The following RBFOX1 variants were observed in gnomAD, a reference collection of about 807,000 sequenced individuals.
RBFOX1 encodes the protein RNA binding fox-1 homolog 1.
A neutral mutation model predicts 57.7 loss-of-function variants in RBFOX1; 8 were observed. That is an observed-to-expected ratio of 0.14 (90% CI 0.08 to 0.25). The LOEUF (loss-of-function observed/expected upper bound fraction) is 0.25. Among genes scored for constraint, RBFOX1 ranks in the 10% least tolerant of loss-of-function variants. The probability of loss-of-function intolerance (pLI) is 1.00; values close to 1 mark genes in which losing one functional copy is unlikely to be tolerated. For missense variants in RBFOX1, 611 were observed against 548.5 expected (o/e 1.11, Z -1.14); for synonymous variants, 326 against 222.4 (o/e 1.47, Z -4.15).
chr16:6,727,936 C>T (rs1018041503), intron 3 of RBFOX1, among the ~76,000 whole-genome samples: 1 of 152,140 alleles, frequency 6.6e-6, no homozygotes, highest in African/African-American at 2.4e-5. Flanking sequence ...AGTTCTACTA[C>T]GTACGCACAG....
rs145905585 is a variant in RBFOX1 at position 6,347,209 on chromosome 16, G to A, written c.-64+30152G>A. On this transcript the variant is annotated intron_variant, in intron 2 of 15. Coordinates refer to ENST00000550418, the MANE Select transcript of RBFOX1 (RefSeq NM_018723.4). ...TTCTGGCCAAGAGTTTCCTGGAATAGTAAAGTGATGTGAAGAAGAGAGTCA... is the reference window on the plus strand; with the variant it reads ...TTCTGGCCAAGAGTTTCCTGGAATAATAAAGTGATGTGAAGAAGAGAGTCA... Among the ~76,000 whole-genome samples, 242 of 152,294 alleles carry A rather than the reference G, an allele frequency of 1.6e-3. 4 individuals are homozygous for A. Among genetic ancestry groups the A allele is most frequent in the African/African-American group, 5.5e-3 (230 of 41,560 alleles).
chr16:5,416,738 C>T (rs2067170319), intron 1 of RBFOX1, among the ~76,000 whole-genome samples: 1 of 151,770 alleles, frequency 6.6e-6, no homozygotes, highest in Admixed American at 6.6e-5. Flanking sequence ...TCTTTTGGGG[C>T]CAGAGTTGGA....
intron 2 of RBFOX1, among the ~76,000 whole-genome samples, chr16:6,645,779 G>T (rs919535330): frequency 2.6e-5 from 4 of 152,136 alleles, no homozygotes; most frequent in South Asian, 2.1e-4. Context: ...CTTGCCATAT[G>T]CTAAGACCCT....
In RBFOX1 at chr16:6,209,484, G is replaced by T. The variant is rs62016043; in HGVS notation, c.-126-107511G>T. ...CTTAATGCCGTCTCATCTAATACACGTAACCTCTCCGGTATCAGGGGCCAA... is the reference window on the plus strand; with the variant it reads ...CTTAATGCCGTCTCATCTAATACACTTAACCTCTCCGGTATCAGGGGCCAA... On this transcript the variant is annotated intron_variant, in intron 1 of 15. Coordinates refer to ENST00000550418, the MANE Select transcript of RBFOX1 (RefSeq NM_018723.4). Among the ~76,000 whole-genome samples, 997 of 152,174 alleles carry T rather than the reference G, an allele frequency of 6.6e-3. 10 individuals are homozygous for T. The highest frequency in any genetic ancestry group is 0.022 in the African/African-American group (920 of 41,534).
At chr16:7,528,459 C>G (rs968710009) in intron 5 of RBFOX1, among the ~76,000 whole-genome samples, 4 of 152,118 alleles carry the variant, frequency 2.6e-5, no homozygotes, top group African/African-American at 9.7e-5. Context: ...GCTGATTGCC[C>G]CATTAAGCAA....
At chr16:5,271,749 C>G (rs966827479) in intron 1 of RBFOX1, among the ~76,000 whole-genome samples, 1 of 152,226 alleles carries the variant, frequency 6.6e-6, no homozygotes, top group Admixed American at 6.5e-5. Context: ...CTCCTATCCC[C>G]TACCTTTCCT....
intron 4 of RBFOX1, among the ~76,000 whole-genome samples, chr16:7,405,191 C>T (rs529151859): frequency 3.0e-4 from 46 of 152,272 alleles, no homozygotes; most frequent in African/African-American, 1.1e-3. Context: ...AAGCTCTTGA[C>T]GATACAGCAG....
chr16:7,571,062 A>G (rs896196053), intron 5 of RBFOX1, among the ~76,000 whole-genome samples: 4 of 152,154 alleles, frequency 2.6e-5, no homozygotes, highest in Non-Finnish European at 5.9e-5. Context: ...GAGGGGAACA[A>G]CACACACTGG....
intron 1 of RBFOX1, among the ~76,000 whole-genome samples, chr16:5,411,302 T>G (rs2067015265): frequency 6.6e-6 from 1 of 152,110 alleles, no homozygotes; most frequent in Non-Finnish European, 1.5e-5. Flanking sequence ...GTGAGTGCAG[T>G]GAAATCACGA....
chr16:7,654,025 C>A, intron 12 of RBFOX1, 78 bp downstream of exon 12: 8 of 1,404,300 alleles, frequency 5.7e-6, no homozygotes, highest in Non-Finnish European at 7.4e-6. Context: ...TTTGCGAGCG[C>A]ATGATGGTCT....
At chr16:6,381,787 C>T (rs1289988251) in intron 2 of RBFOX1, among the ~76,000 whole-genome samples, 1 of 152,160 alleles carries the variant, frequency 6.6e-6, no homozygotes, top group East Asian at 1.9e-4. Context: ...GCCCTGTGTC[C>T]CTCGGGATTC....
At chr16:6,882,783 C>T (rs961830600) in intron 3 of RBFOX1, among the ~76,000 whole-genome samples, 1 of 151,942 alleles carries the variant, frequency 6.6e-6, no homozygotes. Flanking sequence ...GACCAGGATG[C>T]AAGTGGCATT....
chr16:7,455,018 T>A (rs2058214285), intron 4 of RBFOX1, among the ~76,000 whole-genome samples: 1 of 152,202 alleles, frequency 6.6e-6, no homozygotes, highest in African/African-American at 2.4e-5. Flanking sequence ...CATTTATTGA[T>A]TTGTTCAAAC....
At chr16:7,402,723 T>C (rs1382429896) in intron 4 of RBFOX1, among the ~76,000 whole-genome samples, 1 of 152,190 alleles carries the variant, frequency 6.6e-6, no homozygotes, top group East Asian at 1.9e-4. Context: ...AAATATTTCA[T>C]ATAACGTGAC....
chr16:6,986,019 C>A (rs1271220683), intron 3 of RBFOX1, among the ~76,000 whole-genome samples: 2 of 151,418 alleles, frequency 1.3e-5, no homozygotes, highest in African/African-American at 2.4e-5. Context: ...CTTGCAGAAA[C>A]TCACTTTAGA....
chr16:5,951,907 C>G (rs1300780615), intron 4 of RBFOX1, among the ~76,000 whole-genome samples: 1 of 151,586 alleles, frequency 6.6e-6, no homozygotes, highest in Non-Finnish European at 1.5e-5. Flanking sequence ...TATACATACT[C>G]TCAAGGTGTA....
intron 3 of RBFOX1, among the ~76,000 whole-genome samples, chr16:6,939,993 C>T (rs1264909780): frequency 6.6e-6 from 1 of 152,088 alleles, no homozygotes; most frequent in Non-Finnish European, 1.5e-5. Context: ...TTATATCATC[C>T]ATAGCACTTT....
intron 4 of RBFOX1, among the ~76,000 whole-genome samples, chr16:5,970,663 C>T (rs781575932): frequency 7.2e-5 from 11 of 152,192 alleles, no homozygotes; most frequent in Non-Finnish European, 1.3e-4. Flanking sequence ...AAAGAGGAAG[C>T]AGGACTTAGA....
intron 2 of RBFOX1, among the ~76,000 whole-genome samples, chr16:5,485,473 G>A (rs543244652): frequency 5.9e-5 from 9 of 151,316 alleles, no homozygotes; most frequent in African/African-American, 2.2e-4. Context: ...ACCACAATTA[G>A]ATAAATGATG....
Sources: allele counts gnomAD v4.1 joint callset (sites outside exome capture counted in the v4.1 genomes callset), GRCh38; gene constraint gnomAD v4.1.1; transcripts MANE v1.5; gene names NCBI Gene and HGNC (gene_info 2026-07-23, HGNC 2026-07-21).